The following PRIM2 variants were observed in gnomAD, a reference collection of about 807,000 sequenced individuals.
PRIM2 encodes DNA primase subunit 2.
A neutral mutation model predicts 67.3 loss-of-function variants in PRIM2; 39 were observed. The observed-to-expected ratio is 0.58, with a 90% confidence interval of 0.45 to 0.76. The LOEUF is 0.76. Among genes scored for constraint, PRIM2 ranks in the 30% least tolerant of loss-of-function variants. PRIM2 has a pLI of 0.00. For synonymous variants in PRIM2, 143 were observed against 198.7 expected (o/e 0.72, Z 2.36); for missense variants, 398 against 598.7 (o/e 0.66, Z 3.50).
intron 7 of PRIM2, among the ~76,000 whole-genome samples, chr6:57,384,051 C>T (rs1299034535): frequency 2.6e-5 from 4 of 152,182 alleles, no homozygotes; most frequent in Non-Finnish European, 4.4e-5. Context: ...ACATAGCTTG[C>T]CCAATGTTTC....
intron 7 of PRIM2, among the ~76,000 whole-genome samples, chr6:57,403,470 G>A (rs1190961717): frequency 4.0e-5 from 6 of 151,584 alleles, no homozygotes; most frequent in Admixed American, 3.3e-4. Flanking sequence ...CACCATGTTA[G>A]CCAGGATGGT....
At chr6:57,271,554 T>G in the PRIM2 span, among the ~76,000 whole-genome samples, 1 of 152,216 alleles carries the variant, frequency 6.6e-6, no homozygotes, top group Non-Finnish European at 1.5e-5. Flanking sequence ...GTCTATCAAT[T>G]TTGTTGATCT....
chr6:57,564,323 T>A (rs1279597578), intron 10 of PRIM2, among the ~76,000 whole-genome samples: 2 of 152,366 alleles, frequency 1.3e-5, no homozygotes, highest in African/African-American at 4.8e-5. Context: ...TACAGTGTTC[T>A]TCGCTGGATT....
chr6:57,377,682 A>C (rs1769813915), intron 5 of PRIM2, among the ~76,000 whole-genome samples: 1 of 152,056 alleles, frequency 6.6e-6, no homozygotes, highest in South Asian at 2.1e-4. Flanking sequence ...TCCTGACTCC[A>C]TTGAGTTTTA....
intron 5 of PRIM2, among the ~76,000 whole-genome samples, chr6:57,354,125 A>G (rs139635780): frequency 6.6e-6 from 1 of 152,316 alleles, no homozygotes; most frequent in East Asian, 1.9e-4. Flanking sequence ...ATATAATTGA[A>G]TGCCTAGAGA....
At chr6:57,486,885 CT>C (rs1773765991) in intron 7 of PRIM2, among the ~76,000 whole-genome samples, 1 of 152,130 alleles carries the variant, frequency 6.6e-6, no homozygotes. Flanking sequence ...AAGCCTTAAT[CT>C]TTTTTCCCCT....
chr6:57,423,130 G>A (rs1290820272), intron 7 of PRIM2, among the ~76,000 whole-genome samples: 2 of 152,084 alleles, frequency 1.3e-5, no homozygotes, highest in Non-Finnish European at 2.9e-5. Context: ...CTTTGCAGTT[G>A]ACTTGGTAGC....
intron 7 of PRIM2, among the ~76,000 whole-genome samples, chr6:57,456,425 A>G (rs548972070): frequency 2.0e-4 from 30 of 152,270 alleles, no homozygotes; most frequent in African/African-American, 3.8e-4. Flanking sequence ...AGGTACACCA[A>G]TCACACGTAG....
At chr6:57,355,634 C>T (rs1475470689) in intron 5 of PRIM2, among the ~76,000 whole-genome samples, 1 of 152,096 alleles carries the variant, frequency 6.6e-6, no homozygotes, top group Non-Finnish European at 1.5e-5. Context: ...GAAACCAAGG[C>T]AGAAACTGCA....
chr6:57,455,785 C>T (rs1368770560), intron 7 of PRIM2, among the ~76,000 whole-genome samples: 3 of 152,294 alleles, frequency 2.0e-5, no homozygotes, highest in East Asian at 3.9e-4. Flanking sequence ...AGCCCATTTA[C>T]ATTTAAAGTT....
chr6:57,368,434 C>G (rs1053195090), intron 5 of PRIM2, among the ~76,000 whole-genome samples: 6 of 152,052 alleles, frequency 3.9e-5, no homozygotes, highest in African/African-American at 1.4e-4. Context: ...TAGAAACTAT[C>G]CAAACTATTT....
In PRIM2 at chr6:57,325,929, G is replaced by T. The variant is rs1433348025; in HGVS notation, c.343G>T (p.Glu115Ter). 2 of 1,594,572 alleles carry T rather than the reference G, an allele frequency of 1.3e-6. No homozygotes were observed. Among genetic ancestry groups the T allele is most frequent in the African/African-American group, 2.7e-5 (2 of 74,442 alleles). Residue 115 changes from glutamate to a stop codon, truncating the protein, a stop_gained, in exon 5 of 14, where the codon GAA (glutamate) becomes TAA (stop). Transcript: ENST00000615550. LOFTEE classifies it high-confidence loss of function. ...TAATTTCTGTCTTCATTTCAGTGAA[G>T]AACTTAGACGCTGGTTCATTCAACA... ...ILRLAYCQSE[E>*]LRRWFIQQEM...
intron 7 of PRIM2, among the ~76,000 whole-genome samples, chr6:57,500,422 T>G (rs1197496525): frequency 6.6e-6 from 1 of 152,206 alleles, no homozygotes; most frequent in Non-Finnish European, 1.5e-5. Flanking sequence ...GTCAACATAT[T>G]GTCAACCTAA....
chr6:57,543,195 TC>T (rs1295971269), intron 10 of PRIM2, among the ~76,000 whole-genome samples: 3 of 151,876 alleles, frequency 2.0e-5, no homozygotes, highest in African/African-American at 7.3e-5. Context: ...CGCCTCGGCC[TC>T]CCAAAGTGCT....
intron 7 of PRIM2, among the ~76,000 whole-genome samples, chr6:57,460,686 A>G (rs1174045899): frequency 6.6e-6 from 1 of 150,730 alleles, no homozygotes; most frequent in Non-Finnish European, 1.5e-5. Flanking sequence ...TAAAATCTCT[A>G]TGGATTTGAT....
chr6:57,443,200 T>G (rs1772257822), intron 7 of PRIM2, among the ~76,000 whole-genome samples: 2 of 152,226 alleles, frequency 1.3e-5, no homozygotes, highest in African/African-American at 4.8e-5. Flanking sequence ...GAATAGTGCT[T>G]CAGTGGACAT....
intron 7 of PRIM2, chr6:57,497,830 A>G (rs1430232842): frequency 1.3e-5 from 2 of 152,194 alleles, no homozygotes; most frequent in Non-Finnish European, 2.9e-5. Flanking sequence ...TTTGAACACT[A>G]GACTGTTATG....
chr6:57,312,064 AGAGGG>A (rs1368782681), upstream of PRIM2, among the ~76,000 whole-genome samples: 26 of 6,142 alleles, frequency 4.2e-3, no homozygotes, highest in South Asian at 0.011. Context: ...GGGAGAGGGG[AGAGGG>A]GGGAGAGGGC....
In PRIM2 at chr6:57,340,434, T is replaced by C. The variant is rs1245962198; in HGVS notation, c.459+14389T>C. On this transcript the variant is annotated intron_variant, in intron 5 of 13. Coordinates refer to ENST00000615550, the MANE Select transcript of PRIM2 (RefSeq NM_000947.5). ...ATGTTTATTGCGGCACTATTCACAA[T>C]AGCAAAGACTTGGAACCAACCCAAA... Among the ~76,000 whole-genome samples, 8 of 152,206 alleles carry C rather than the reference T, an allele frequency of 5.3e-5. No individual in the cohort carries two copies. The East Asian group carries it at 1.4e-3, about 26-fold the overall frequency.
Sources: allele counts gnomAD v4.1 joint callset (sites outside exome capture counted in the v4.1 genomes callset), GRCh38; gene constraint gnomAD v4.1.1; transcripts MANE v1.5; gene names NCBI Gene and HGNC (gene_info 2026-07-23, HGNC 2026-07-21).